The following FRRS1 variants were observed in gnomAD, a reference collection of about 807,000 sequenced individuals.
FRRS1 encodes ferric reductase 1.
A neutral mutation model predicts 70.7 loss-of-function variants in FRRS1; 51 were observed. The observed-to-expected ratio is 0.72, with a 90% CI of 0.58 to 0.91. FRRS1 has a LOEUF of 0.91. FRRS1 is among the 40% of genes least tolerant of loss of function. The pLI is 0.00. For synonymous variants in FRRS1, 225 were observed against 238.7 expected (o/e 0.94, Z 0.53); for missense variants, 672 against 726.0 (o/e 0.93, Z 0.86).
intron 1 of FRRS1, among the ~76,000 whole-genome samples, chr1:99,762,817 TC>T (rs1277963044): frequency 1.3e-5 from 2 of 152,278 alleles, no homozygotes; most frequent in Non-Finnish European, 2.9e-5. Context: ...CCACACAAGC[TC>T]TGCAGATTCT....
At chr1:99,764,086 G>A (rs1657244708) in intron 1 of FRRS1, among the ~76,000 whole-genome samples, 1 of 152,030 alleles carries the variant, frequency 6.6e-6, no homozygotes, top group African/African-American at 2.4e-5. Context: ...ATTATTGAGT[G>A]CATTCTAGGA....
rs1357148565 is a variant in FRRS1, at chr1:99,707,627, A to C, written c.*1401T>G. On this transcript the variant is annotated 3_prime_UTR_variant, in exon 17 of 17. Transcript: ENST00000646001. ...GTAGCCATTTTTAAAATAAAGATTA[A>C]GAGTTGGTGGAATTTAAGGGAAATG... 6.6e-6 allele frequency among the ~76,000 whole-genome samples: 1 copy of C among 152,228 alleles called. No individual in the cohort carries two copies.
At chr1:99,758,202 C>G (rs1363683148) in intron 1 of FRRS1, among the ~76,000 whole-genome samples, 1 of 152,222 alleles carries the variant, frequency 6.6e-6, no homozygotes, top group Non-Finnish European at 1.5e-5. Flanking sequence ...GATATCTAAC[C>G]TTTTATCTGT....
rs1653962666 is a variant in FRRS1, at chr1:99,704,023, T to C, written c.*5005A>G. ...TAATGTTTTCAAGATGAATATCAAA[T>C]ATTTTTTATAAAAAGTATACATTTT... On this transcript the variant is annotated 3_prime_UTR_variant, in exon 17 of 17. Coordinates refer to ENST00000646001, the MANE Select transcript of FRRS1 (RefSeq NM_001361041.2). 6.6e-6 allele frequency among the ~76,000 whole-genome samples: 1 copy of C among 152,212 alleles called. No homozygotes were observed.
intron 1 of FRRS1, among the ~76,000 whole-genome samples, chr1:99,763,519 A>G (rs1300065213): frequency 6.6e-6 from 1 of 152,234 alleles, no homozygotes; most frequent in African/African-American, 2.4e-5. Context: ...GATGTTAACA[A>G]TATCTTAGTA....
intron 9 of FRRS1, among the ~76,000 whole-genome samples, chr1:99,725,045 G>A (rs1655014820): frequency 6.6e-6 from 1 of 152,116 alleles, no homozygotes; most frequent in Admixed American, 6.6e-5. Context: ...GGGCAGCGAT[G>A]GTTTTGGGAT....
chr1:99,748,828 A>T (rs1656420597), intron 2 of FRRS1, 60 bp from the exon 3 acceptor site: 1 of 1,249,338 alleles, frequency 8.0e-7, no homozygotes, highest in African/African-American at 1.5e-5. Flanking sequence ...AAAAGCTTTT[A>T]CACAACTGGA....
chr1:99,741,651 T>C (rs10875248), intron 5 of FRRS1, among the ~76,000 whole-genome samples: 75,224 of 152,116 alleles, frequency 0.49, 22,621 homozygotes, highest in African/African-American at 0.85. Context: ...CAAGTTGTAA[T>C]ACTGCAAAAG....
chr1:99,750,822 C>T (rs1656536277), intron 1 of FRRS1, among the ~76,000 whole-genome samples: 1 of 151,660 alleles, frequency 6.6e-6, no homozygotes, highest in African/African-American at 2.4e-5. Flanking sequence ...AGAATTTCCC[C>T]CAAACTATTA....
chr1:99,710,734 C>T, intron 15 of FRRS1, 72 bp downstream of exon 15: 5 of 1,336,774 alleles, frequency 3.7e-6, no homozygotes, highest in Non-Finnish European at 4.2e-6. Flanking sequence ...CCATTACTAT[C>T]GGGAAGCGCA....
chr1:99,704,280 C>G lies in FRRS1; in HGVS notation c.*4748G>C, dbSNP rs1217889963. ...CATGCACATTCAGGTCTTCTAATTT[C>G]CAGTCCTTTTTAATTTACAGGATCA... On this transcript the variant is annotated 3_prime_UTR_variant, in exon 17 of 17. Transcript: ENST00000646001. Among the ~76,000 whole-genome samples the G allele has an allele frequency of 1.3e-5, 2 of 152,282 alleles. No homozygotes were observed. The highest frequency in any genetic ancestry group is 3.9e-4 in the East Asian group (2 of 5,172).
At chr1:99,724,697 G>A (rs1357364587) in intron 9 of FRRS1, among the ~76,000 whole-genome samples, 2 of 151,654 alleles carry the variant, frequency 1.3e-5, no homozygotes, top group African/African-American at 4.8e-5. Context: ...TTGTTCCCCA[G>A]TACAAAAAGA....
chr1:99,761,161 C>T (rs1657097790), intron 1 of FRRS1, among the ~76,000 whole-genome samples: 1 of 152,114 alleles, frequency 6.6e-6, no homozygotes, highest in African/African-American at 2.4e-5. Flanking sequence ...TCATCTCACT[C>T]TGGCGCCCAG....
chr1:99,715,821 TAAG>T, intron 11 of FRRS1, 149 bp from the exon 12 acceptor site: 1 of 454,370 alleles, frequency 2.2e-6, no homozygotes. Flanking sequence ...GTAGCCAGGT[TAAG>T]AAAAAAAAAA....
intron 1 of FRRS1, among the ~76,000 whole-genome samples, chr1:99,754,154 T>C (rs1185330369): frequency 6.6e-6 from 1 of 152,164 alleles, no homozygotes; most frequent in African/African-American, 2.4e-5. Context: ...GAGAAATAGA[T>C]GAATCCACTA....
chr1:99,719,728 C>T, intron 9 of FRRS1, 81 bp from the exon 10 acceptor site: 1 of 723,994 alleles, frequency 1.4e-6, no homozygotes, highest in Non-Finnish European at 2.4e-6. Context: ...ACGGGCAGGG[C>T]ATGGCAACAA....
At chr1:99,723,711 A>G (rs1261280579) in intron 9 of FRRS1, among the ~76,000 whole-genome samples, 1 of 152,198 alleles carries the variant, frequency 6.6e-6, no homozygotes, top group Non-Finnish European at 1.5e-5. Context: ...GAACAGATAC[A>G]CTAGAAATAA....
chr1:99,724,373 C>T (rs903816133), intron 9 of FRRS1, among the ~76,000 whole-genome samples: 15 of 152,150 alleles, frequency 9.9e-5, no homozygotes, highest in Admixed American at 5.2e-4. Flanking sequence ...TACTTAATTA[C>T]CCAAGTGATT....
rs572857650 is a variant in FRRS1 at position 99,748,505 on chromosome 1, T to C, written c.196+68A>G. The C allele has an allele frequency of 7.8e-6, 9 of 1,149,364 alleles. No individual in the cohort carries two copies. The Admixed American group carries it at 1.4e-4, about 18-fold the overall frequency. 71.2% of individuals were successfully genotyped at this position (1,149,364 alleles called of 1,614,324 possible). ...AAGTGAAATCTTCTAAATCAAGTAA[T>C]AATAAAGATTCAATAAACAGTAAAA... is the stretch of plus-strand genomic sequence containing the variant. On this transcript the variant is annotated intron_variant, in intron 3 of 16. Coordinates refer to ENST00000646001, the MANE Select transcript of FRRS1 (RefSeq NM_001361041.2).
Sources: gnomAD v4.1 joint callset for allele counts (sites outside exome capture counted in the v4.1 genomes callset) on GRCh38, gnomAD v4.1.1 for gene constraint, MANE v1.5 for transcripts, NCBI Gene and HGNC (gene_info 2026-07-23, HGNC 2026-07-21) for gene names.